QTMAN: variants seen among roughly 807,000 people sequenced by gnomAD.
The protein encoded by QTMAN is queuosine-tRNA mannosyltransferase.
the QTMAN span, among the ~76,000 whole-genome samples, chr2:144,219,473 G>A: frequency 6.6e-6 from 1 of 151,986 alleles, no homozygotes; most frequent in African/African-American, 2.4e-5. Flanking sequence ...AGTGTGAGGT[G>A]AAGCCAGTAT....
At chr2:144,133,464 TTA>T in the QTMAN span, among the ~76,000 whole-genome samples, 1 of 55,590 alleles carries the variant, frequency 1.8e-5, no homozygotes, top group African/African-American at 7.5e-5. Context: ...ATAATATATA[TTA>T]TATATTATAT....
chr2:144,123,955 AG>A, the QTMAN span, among the ~76,000 whole-genome samples: 1 of 152,162 alleles, frequency 6.6e-6, no homozygotes, highest in East Asian at 1.9e-4. Context: ...CAAACTTGTA[AG>A]AATACAGGAA....
At chr2:143,990,044 T>G in the QTMAN span, among the ~76,000 whole-genome samples, 1 of 152,060 alleles carries the variant, frequency 6.6e-6, no homozygotes, top group Admixed American at 6.6e-5. Flanking sequence ...AATCTCTCAG[T>G]GTGGGGGGCT....
chr2:144,136,548 G>A, the QTMAN span, among the ~76,000 whole-genome samples: 86 of 152,150 alleles, frequency 5.7e-4, no homozygotes, highest in African/African-American at 2.1e-3. Context: ...TCATAAGACT[G>A]AGACTTGCAG....
At chr2:144,252,282 A>G in the QTMAN span, among the ~76,000 whole-genome samples, 21 of 152,124 alleles carry the variant, frequency 1.4e-4, no homozygotes, top group Non-Finnish European at 2.9e-4. Context: ...AGCAGAGGCA[A>G]AAGAATCACT....
At chr2:143,986,206 TA>T in the QTMAN span, among the ~76,000 whole-genome samples, 3 of 152,238 alleles carry the variant, frequency 2.0e-5, no homozygotes, top group Non-Finnish European at 4.4e-5. Context: ...TAATTGGAAT[TA>T]TTTTTTACAG....
the QTMAN span, among the ~76,000 whole-genome samples, chr2:144,172,328 G>T: frequency 2.0e-5 from 3 of 151,832 alleles, no homozygotes; most frequent in African/African-American, 7.3e-5. Context: ...CTGGATAAAA[G>T]ATTTCTTAAG....
the QTMAN span, among the ~76,000 whole-genome samples, chr2:144,170,398 G>A: frequency 6.6e-6 from 1 of 152,124 alleles, no homozygotes; most frequent in African/African-American, 2.4e-5. Flanking sequence ...TCATTTTCAT[G>A]CTAGTTCCCC....
chr2:144,018,119 A>G, the QTMAN span, among the ~76,000 whole-genome samples: 7,856 of 151,604 alleles, frequency 0.052, 328 homozygotes, highest in African/African-American at 0.11. Flanking sequence ...ATATTCCTTC[A>G]TTTTTCTGAG....
the QTMAN span, among the ~76,000 whole-genome samples, chr2:143,986,722 C>A: frequency 2.0e-5 from 3 of 152,118 alleles, no homozygotes; most frequent in South Asian, 6.2e-4. Context: ...TGCATAAACC[C>A]TTGGGGACAT....
the QTMAN span, among the ~76,000 whole-genome samples, chr2:144,247,162 G>A: frequency 2.0e-5 from 3 of 152,206 alleles, no homozygotes; most frequent in Non-Finnish European, 4.4e-5. Flanking sequence ...AAAAATCCCA[G>A]AAGAGGCAGG....
At chr2:144,032,836 G>A in the QTMAN span, among the ~76,000 whole-genome samples, 1 of 152,108 alleles carries the variant, frequency 6.6e-6, no homozygotes, top group Non-Finnish European at 1.5e-5. Flanking sequence ...AGACAAACTG[G>A]GATAAAGGGT....
chr2:144,074,298 C>T, the QTMAN span, among the ~76,000 whole-genome samples: 5 of 152,144 alleles, frequency 3.3e-5, no homozygotes, highest in African/African-American at 1.2e-4. Flanking sequence ...CATAATAACA[C>T]ACTGAAATAT....
the QTMAN span, among the ~76,000 whole-genome samples, chr2:143,962,508 A>G: frequency 6.3e-4 from 96 of 152,286 alleles, no homozygotes; most frequent in South Asian, 4.8e-3. Context: ...TTATTGTTAT[A>G]CTATTATGAT....
At chr2:144,205,338 G>A in the QTMAN span, among the ~76,000 whole-genome samples, 1 of 152,118 alleles carries the variant, frequency 6.6e-6, no homozygotes, top group Non-Finnish European at 1.5e-5. Flanking sequence ...TAGGAAAGGG[G>A]AGTTGGCCTT....
the QTMAN span, among the ~76,000 whole-genome samples, chr2:143,959,153 TTTAAGA>T: frequency 6.6e-6 from 1 of 152,076 alleles, no homozygotes; most frequent in Non-Finnish European, 1.5e-5. Context: ...CAATGTAACT[TTTAAGA>T]TATGATAAAA....
At chr2:144,059,851 G>A in the QTMAN span, among the ~76,000 whole-genome samples, 2 of 152,088 alleles carry the variant, frequency 1.3e-5, no homozygotes, top group East Asian at 1.9e-4. Flanking sequence ...TCAGGTGTTA[G>A]CCAAAATTTC....
chr2:143,961,030 A>C, the QTMAN span, among the ~76,000 whole-genome samples: 2 of 152,130 alleles, frequency 1.3e-5, no homozygotes, highest in Non-Finnish European at 2.9e-5. Context: ...AGTAAGGCTG[A>C]AAGAGGTGAC....
At chr2:144,101,179 C>T in the QTMAN span, among the ~76,000 whole-genome samples, 3 of 152,206 alleles carry the variant, frequency 2.0e-5, no homozygotes, top group African/African-American at 7.2e-5. Flanking sequence ...ATTTAGTCTT[C>T]TTTCTGTGAA....
Sources: allele counts gnomAD v4.1 joint callset (sites outside exome capture counted in the v4.1 genomes callset), GRCh38; gene constraint gnomAD v4.1.1; transcripts MANE v1.5; gene names NCBI Gene and HGNC (gene_info 2026-07-23, HGNC 2026-07-21).